The following SORBS2 variants were observed in gnomAD, a reference collection of about 807,000 sequenced individuals.
SORBS2 encodes sorbin and SH3 domain containing 2, also known as sorbin and SH3 domain-containing protein 2.
Under a neutral mutation model 97.7 loss-of-function variants are expected in SORBS2, and 46 were observed. The observed-to-expected ratio is 0.47, with a 90% CI of 0.37 to 0.60. SORBS2 has a LOEUF of 0.60. SORBS2 is among the 20% of genes least tolerant of loss of function. The probability of loss-of-function intolerance (pLI) is 0.00; values close to 1 mark genes in which losing one functional copy is unlikely to be tolerated. For synonymous variants in SORBS2, 476 were observed against 473.4 expected (o/e 1.01, Z -0.07); for missense variants, 1,316 against 1,282.3 (o/e 1.03, Z -0.40).
intron 2 of SORBS2, among the ~76,000 whole-genome samples, chr4:185,738,615 A>G (rs2098703425): frequency 6.6e-6 from 1 of 152,240 alleles, no homozygotes; most frequent in Non-Finnish European, 1.5e-5. Context: ...CTTTTCTAAG[A>G]ATAAATAATT....
At chr4:185,767,835 C>G (rs1244119807) in intron 2 of SORBS2, among the ~76,000 whole-genome samples, 2 of 152,202 alleles carry the variant, frequency 1.3e-5, no homozygotes, top group African/African-American at 4.8e-5. Flanking sequence ...ATTACTAACA[C>G]ATGAGCCTGA....
In SORBS2 at chr4:185,852,305, A is replaced by G. The variant is rs557199421; in HGVS notation, c.-337-76939T>C. Among the ~76,000 whole-genome samples, 4 of 152,324 alleles carry G rather than the reference A, an allele frequency of 2.6e-5. No homozygotes were observed. The South Asian group carries it at 8.3e-4, about 32-fold the overall frequency. ...AAATAGCTTAAGGACTAGCGCTTTC[A>G]GCCCATTGCTGTAGGTTCACCAACC... On this transcript the variant is annotated intron_variant, in intron 1 of 20. Transcript: ENST00000284776.
chr4:185,893,394 G>C (rs907899379), intron 1 of SORBS2, among the ~76,000 whole-genome samples: 1 of 152,184 alleles, frequency 6.6e-6, no homozygotes, highest in Non-Finnish European at 1.5e-5. Context: ...TCCTGGGCTG[G>C]AGCCCACCCA....
rs115395174 is a variant in SORBS2 at position 185,935,636 on chromosome 4, T to G, written c.-338+20560A>C. On this transcript the variant is annotated intron_variant, in intron 1 of 20. Transcript: ENST00000284776. ...GACATACCAACTTTAACTAGGGTAT[T>G]GATAGGGCTAATTATCACCAATTTG... Among the ~76,000 whole-genome samples, 413 of 152,328 alleles carry G rather than the reference T, an allele frequency of 2.7e-3. 4 individuals carry two copies. The highest frequency in any genetic ancestry group is 9.7e-3 in the African/African-American group (402 of 41,578).
chr4:185,661,153 G>T (rs1385682023), upstream of SORBS2, among the ~76,000 whole-genome samples: 10 of 151,784 alleles, frequency 6.6e-5, no homozygotes, highest in African/African-American at 2.4e-4. Context: ...GCGGGCACCT[G>T]TAATCCCAGC....
At chr4:185,621,613 A>G (rs2096721174) in intron 7 of SORBS2, among the ~76,000 whole-genome samples, 1 of 146,956 alleles carries the variant, frequency 6.8e-6, no homozygotes, top group Non-Finnish European at 1.5e-5. Flanking sequence ...GCTTCAGCCT[A>G]AGGGTAGGCA....
chr4:185,875,462 C>A (rs1442563514), intron 1 of SORBS2, among the ~76,000 whole-genome samples: 1 of 152,192 alleles, frequency 6.6e-6, no homozygotes, highest in Non-Finnish European at 1.5e-5. Flanking sequence ...TCCCTGTGGC[C>A]AATTCCCATC....
In SORBS2 at chr4:185,651,967, T is replaced by C. The variant is rs1022502197; in HGVS notation, c.91+695A>G. ...TAGTTCATAATGCCATTTTCTTTCTTTTTTTCTTTTTTTTTAAGAGACAGG... is the reference window on the plus strand; with the variant it reads ...TAGTTCATAATGCCATTTTCTTTCTCTTTTTCTTTTTTTTTAAGAGACAGG... On this transcript the variant is annotated intron_variant, in intron 2 of 14. Transcript: ENST00000418609. 4.5e-5 allele frequency: 27 copies of C among 603,342 alleles called. No individual in the cohort carries two copies. The East Asian group carries it at 7.3e-4, about 16-fold the overall frequency. The allele number at this position is 603,342 out of a possible 1,614,324, so 37.4% of individuals were successfully genotyped here.
At chr4:185,682,292 C>A (rs9994953) in intron 2 of SORBS2, among the ~76,000 whole-genome samples, 1 of 152,114 alleles carries the variant, frequency 6.6e-6, no homozygotes, top group African/African-American at 2.4e-5. Context: ...CCCCATACTG[C>A]GGCATTCCTT....
At chr4:185,850,803 G>T (rs1157894402) in intron 1 of SORBS2, among the ~76,000 whole-genome samples, 1 of 152,166 alleles carries the variant, frequency 6.6e-6, no homozygotes, top group Non-Finnish European at 1.5e-5. Flanking sequence ...GTTTCTGGAA[G>T]AGATGAGCAT....
chr4:185,768,549 A>T (rs997915031), intron 2 of SORBS2, among the ~76,000 whole-genome samples: 2 of 151,892 alleles, frequency 1.3e-5, no homozygotes, highest in African/African-American at 4.8e-5. Flanking sequence ...AAAGCACAAA[A>T]ATTAGCTTGC....
At chr4:185,617,155 C>T (rs915365064) in intron 9 of SORBS2, among the ~76,000 whole-genome samples, 1 of 152,150 alleles carries the variant, frequency 6.6e-6, no homozygotes, top group Non-Finnish European at 1.5e-5. Context: ...TTTAAGAAAG[C>T]TATGGATTGA....
chr4:185,881,342 G>T (rs545660524), intron 1 of SORBS2, among the ~76,000 whole-genome samples: 20 of 152,248 alleles, frequency 1.3e-4, no homozygotes, highest in Non-Finnish European at 1.5e-5. Flanking sequence ...AACTATTATA[G>T]CACCAAACCT....
intron 2 of SORBS2, among the ~76,000 whole-genome samples, chr4:185,696,850 G>A (rs2098182796): frequency 6.6e-6 from 1 of 152,124 alleles, no homozygotes; most frequent in South Asian, 2.1e-4. Flanking sequence ...TAAGTCATTT[G>A]TTCAACTTGA....
intron 1 of SORBS2, among the ~76,000 whole-genome samples, chr4:185,933,884 T>C (rs971927384): frequency 1.3e-5 from 2 of 152,236 alleles, no homozygotes; most frequent in Non-Finnish European, 2.9e-5. Context: ...AAGACCCTTC[T>C]TGAAAAGATT....
At chr4:185,926,737 G>A (rs2099263909) in intron 1 of SORBS2, among the ~76,000 whole-genome samples, 1 of 152,038 alleles carries the variant, frequency 6.6e-6, no homozygotes, top group Non-Finnish European at 1.5e-5. Flanking sequence ...AACATGCGAG[G>A]TTAATTGACA....
intron 1 of SORBS2, among the ~76,000 whole-genome samples, chr4:185,806,747 C>T (rs992721154): frequency 3.3e-5 from 5 of 152,096 alleles, no homozygotes; most frequent in East Asian, 1.9e-4. Flanking sequence ...CGTGAGCCAC[C>T]GCGCCCGGCC....
intron 4 of SORBS2, among the ~76,000 whole-genome samples, 171 bp from the exon 14 acceptor site, chr4:185,639,206 C>T (rs1260071679): frequency 1.3e-5 from 2 of 152,188 alleles, no homozygotes; most frequent in Non-Finnish European, 2.9e-5. Context: ...CGGGCCGCTG[C>T]GAAGCCCTGC....
intron 1 of SORBS2, among the ~76,000 whole-genome samples, chr4:185,784,114 G>T (rs1236410698): frequency 6.6e-6 from 1 of 151,996 alleles, no homozygotes; most frequent in East Asian, 1.9e-4. Flanking sequence ...CTAACCTCCC[G>T]AGAAGAGGGC....
Sources: gnomAD v4.1 joint callset for allele counts (sites outside exome capture counted in the v4.1 genomes callset) on GRCh38, gnomAD v4.1.1 for gene constraint, MANE v1.5 for transcripts, NCBI Gene and HGNC (gene_info 2026-07-23, HGNC 2026-07-21) for gene names.